DEPDC5: variants seen among roughly 807,000 people sequenced by gnomAD.
The protein encoded by DEPDC5 is DEP domain containing 5, GATOR1 subcomplex subunit.
DEPDC5 carries 73 observed loss-of-function variants against 217.3 expected under a neutral mutation model. That is an observed-to-expected ratio of 0.34 (90% CI 0.28 to 0.41). The LOEUF (loss-of-function observed/expected upper bound fraction) is 0.41, where lower values mean the gene tolerates loss of function less well. DEPDC5 is among the 10% of genes least tolerant of loss of function. The pLI is 1.00. For synonymous variants in DEPDC5, 733 were observed against 756.7 expected (o/e 0.97, Z 0.51); for missense variants, 1,675 against 2,070.1 (o/e 0.81, Z 3.70).
At chr22:31,813,206 CCT>C (rs1324938090) in intron 20 of DEPDC5, among the ~76,000 whole-genome samples, 4 of 152,094 alleles carry the variant, frequency 2.6e-5, no homozygotes, top group Non-Finnish European at 5.9e-5. Context: ...CTGTCAGCAG[CCT>C]CTCTCCTATG....
rs1476138960 is a variant in DEPDC5, at chr22:31,838,781, C to T, written c.2451C>T (p.Pro817=). The part of the protein sequence containing the change: ...LMQGYQIIVQ[P]KTQKPNPAVP... The stretch of plus-strand genomic sequence containing the variant: ...AGGGCTACCAAATCATAGTGCAGCC[C>T]AAGACACAGAAACCCAATCCTGCTG... The change falls in exon 27 of 43, where the codon CCC becomes CCT. Residue 817 remains proline (P), a synonymous_variant. Coordinates refer to ENST00000651528, the MANE Select transcript of DEPDC5 (RefSeq NM_001242896.3). 6.2e-7 allele frequency: 1 copy of T among 1,614,082 alleles called. No homozygotes were observed. Among genetic ancestry groups the T allele is most frequent in the Admixed American group, 1.7e-5 (1 of 60,028 alleles).
intron 2 of DEPDC5, among the ~76,000 whole-genome samples, chr22:31,756,840 G>T (rs1371811765): frequency 1.3e-5 from 2 of 151,582 alleles, no homozygotes; most frequent in African/African-American, 4.8e-5. Context: ...AGAATTGCTT[G>T]AACCCAGGAG....
Position 31,857,493 on chromosome 22 carries a change from C to G in DEPDC5, c.3204C>G (p.Ala1068=), listed in dbSNP as rs774075392. ...CTGTGCATGGTGGGAAGAGCTCCGC[C>G]CAGTCAGCCGAGAGCAGCAGCGTTG... ...QAAVHGGKSS[A]QSAESSSVAM... The change falls in exon 32 of 43, where the codon GCC becomes GCG. Residue 1068 remains alanine (A), a synonymous_variant. Transcript: ENST00000651528. The G allele has an allele frequency of 3.7e-6, 6 of 1,612,410 alleles. No homozygotes were observed. The highest frequency in any genetic ancestry group is 5.1e-6 in the Non-Finnish European group (6 of 1,179,406).
At chr22:31,790,787 C>T (rs865923986) in intron 10 of DEPDC5, among the ~76,000 whole-genome samples, 2 of 149,022 alleles carry the variant, frequency 1.3e-5, no homozygotes, top group African/African-American at 2.5e-5. Flanking sequence ...CGCTCCGTCG[C>T]CCAGGCTGGA....
At chr22:31,873,359 T>C in intron 35 of DEPDC5, 27 bp downstream of exon 35, 3 of 1,606,006 alleles carry the variant, frequency 1.9e-6, no homozygotes, top group Non-Finnish European at 2.6e-6. Context: ...AGTGTAGGGT[T>C]GGAAGGTTCC....
rs1659892009 is a variant in DEPDC5 at position 31,838,805 on chromosome 22, T to A, written c.2475T>A (p.Ala825=). Reference sequence around the variant, plus strand: ...CCAAGACACAGAAACCCAATCCTGCTGTCCCGCCCCCGCTGAGCAGTAGCC... The same window carrying A: ...CCAAGACACAGAAACCCAATCCTGCAGTCCCGCCCCCGCTGAGCAGTAGCC... ...VQPKTQKPNP[A]VPPPLSSSPL... Residue 825 remains alanine (A), a synonymous_variant, in exon 27 of 43, where the codon GCT becomes GCA. Coordinates refer to ENST00000651528, the MANE Select transcript of DEPDC5 (RefSeq NM_001242896.3). The A allele has an allele frequency of 6.2e-7, 1 of 1,614,064 alleles. No homozygotes were observed. Among genetic ancestry groups the A allele is most frequent in the Non-Finnish European group, 8.5e-7 (1 of 1,180,026 alleles).
At chr22:31,765,880 G>A (rs926278792) in intron 5 of DEPDC5, among the ~76,000 whole-genome samples, 1 of 152,144 alleles carries the variant, frequency 6.6e-6, no homozygotes, top group Non-Finnish European at 1.5e-5. Flanking sequence ...GAACTTAGCT[G>A]GGTGTGGTGG....
chr22:31,823,168 A>AG, intron 24 of DEPDC5: 1 of 211,294 alleles, frequency 4.7e-6, no homozygotes, highest in Non-Finnish European at 9.8e-6. Context: ...AGAGACCCAG[A>AG]GGGGAGAAGT....
chr22:31,897,377 T>C, intron 39 of DEPDC5, 105 bp from the exon 40 acceptor site: 1 of 1,412,238 alleles, frequency 7.1e-7, no homozygotes. Context: ...AGCATGCAAA[T>C]CAATATGCAT....
intron 38 of DEPDC5, among the ~76,000 whole-genome samples, chr22:31,892,342 A>C (rs563110191): frequency 6.6e-6 from 1 of 152,266 alleles, no homozygotes; most frequent in African/African-American, 2.4e-5. Context: ...ATAATTGACT[A>C]TTTCTTTTAG....
At chr22:31,845,310 C>T in intron 30 of DEPDC5, 73 bp downstream of exon 30, 2 of 1,521,852 alleles carry the variant, frequency 1.3e-6, no homozygotes, top group Non-Finnish European at 1.8e-6. Flanking sequence ...TATTAGGGGC[C>T]TCTCATCATC....
intron 9 of DEPDC5, 170 bp from the exon 10 acceptor site, chr22:31,784,644 A>G (rs1248791942): frequency 1.8e-6 from 1 of 556,446 alleles, no homozygotes; most frequent in East Asian, 3.2e-5. Context: ...AAAGATGTAC[A>G]AAATACACCT....
intron 38 of DEPDC5, among the ~76,000 whole-genome samples, chr22:31,881,390 G>C (rs1022615269): frequency 1.1e-4 from 17 of 152,124 alleles, no homozygotes; most frequent in African/African-American, 4.1e-4. Flanking sequence ...AAGTGAAGGG[G>C]TGGGGAGGAT....
chr22:31,801,322 A>C (rs750334162), intron 14 of DEPDC5, among the ~76,000 whole-genome samples: 5 of 152,090 alleles, frequency 3.3e-5, no homozygotes. Context: ...ATAATAAATA[A>C]AATTGTAAAA....
intron 24 of DEPDC5, among the ~76,000 whole-genome samples, chr22:31,829,316 G>T (rs1024763605): frequency 2.0e-5 from 3 of 152,164 alleles, no homozygotes; most frequent in Admixed American, 1.3e-4. Flanking sequence ...TGGATCACTT[G>T]AAGTCAGGAG....
At chr22:31,816,154 G>A (rs2089082788) in intron 21 of DEPDC5, among the ~76,000 whole-genome samples, 1 of 151,756 alleles carries the variant, frequency 6.6e-6, no homozygotes, top group African/African-American at 2.4e-5. Context: ...ACAAAAATTA[G>A]CTAGGTGTGG....
intron 36 of DEPDC5, 113 bp downstream of exon 36, chr22:31,874,518 A>G (rs2092938241): frequency 7.5e-7 from 1 of 1,341,028 alleles, no homozygotes; most frequent in South Asian, 1.6e-5. Context: ...TGGGGTGAGG[A>G]TTTTTTTTAA....
At chr22:31,890,541 C>T (rs987323230) in intron 38 of DEPDC5, 1 of 151,698 alleles carries the variant, frequency 6.6e-6, no homozygotes, top group Admixed American at 6.6e-5. Context: ...GAAACCCCAA[C>T]TCTATTAAAA....
At position 31,843,571 on chromosome 22, in the gene DEPDC5, A is replaced by C. The variant is rs901032279; in HGVS notation, c.2634-74A>C. The C allele has an allele frequency of 2.5e-5, 38 of 1,526,328 alleles. No homozygotes were observed. The South Asian group carries it at 4.4e-4, about 17-fold the overall frequency. The allele number at this position is 1,526,328 out of a possible 1,614,324, so 94.5% of individuals were successfully genotyped here. A position where few individuals can be genotyped will look rare whatever the true frequency, so the allele number is the denominator to read the frequency against. ...GTCAAGGATGGTTCTAAGTGTATAG[A>C]GATAGAAAATAAGAATTGGCAGGAA... On this transcript the variant is annotated intron_variant, in intron 28 of 42. Coordinates refer to ENST00000651528, the MANE Select transcript of DEPDC5 (RefSeq NM_001242896.3).
Sources: gnomAD v4.1 joint callset for allele counts (sites outside exome capture counted in the v4.1 genomes callset) on GRCh38, gnomAD v4.1.1 for gene constraint, MANE v1.5 for transcripts, NCBI Gene and HGNC (gene_info 2026-07-23, HGNC 2026-07-21) for gene names.